SLCO5A1: variants seen among roughly 807,000 people sequenced by gnomAD.
SLCO5A1 encodes the protein organic anion transporter polypeptide-related protein 4.
In SLCO5A1, 39 loss-of-function variants were observed where a neutral mutation model predicts 65.1. The ratio of observed to expected loss-of-function variants is 0.60; its 90% CI spans 0.46 to 0.78. The LOEUF is 0.78. SLCO5A1 is among the 30% of genes least tolerant of loss of function. The pLI, the probability that SLCO5A1 is intolerant of heterozygous loss-of-function variation, is 0.00. For synonymous variants in SLCO5A1, 438 were observed against 415.7 expected (o/e 1.05, Z -0.65); for missense variants, 1,029 against 1,069.4 (o/e 0.96, Z 0.53).
intron 5 of SLCO5A1, among the ~76,000 whole-genome samples, chr8:69,737,760 T>G (rs1278957797): frequency 6.6e-6 from 1 of 152,194 alleles, no homozygotes; most frequent in Non-Finnish European, 1.5e-5. Flanking sequence ...AATTTGAATG[T>G]CATTGCCTAT....
At chr8:69,693,964 C>T (rs1041120985) in intron 6 of SLCO5A1, among the ~76,000 whole-genome samples, 10 of 152,228 alleles carry the variant, frequency 6.6e-5, no homozygotes, top group African/African-American at 2.4e-4. Flanking sequence ...TGTGGCAAGG[C>T]TCAGGTGAAA....
intron 2 of SLCO5A1, among the ~76,000 whole-genome samples, chr8:69,786,648 G>GCA (rs1015002134): frequency 2.0e-5 from 3 of 151,792 alleles, no homozygotes; most frequent in East Asian, 1.9e-4. Flanking sequence ...GCAAATGTGG[G>GCA]CACACACACA....
intron 3 of SLCO5A1, among the ~76,000 whole-genome samples, chr8:69,758,459 C>T (rs572112019): frequency 4.6e-5 from 7 of 152,206 alleles, no homozygotes; most frequent in Admixed American, 4.6e-4. Context: ...GGATTATAAG[C>T]GTGAGCCACC....
At chr8:69,701,153 C>T (rs1395832358) in intron 6 of SLCO5A1, among the ~76,000 whole-genome samples, 1 of 152,092 alleles carries the variant, frequency 6.6e-6, no homozygotes, top group African/African-American at 2.4e-5. Context: ...TGTTGAGATA[C>T]TTTTTGAGCT....
chr8:69,819,310 A>T (rs1466126864), intron 2 of SLCO5A1, among the ~76,000 whole-genome samples: 26 of 151,262 alleles, frequency 1.7e-4, no homozygotes. Flanking sequence ...CATTCCTGGC[A>T]TAAGTACCAC....
chr8:69,800,351 G>A (rs1180080871), intron 2 of SLCO5A1, among the ~76,000 whole-genome samples: 3 of 150,884 alleles, frequency 2.0e-5, no homozygotes, highest in African/African-American at 7.3e-5. Context: ...CCTCCCAGGA[G>A]GAGGAGGAGG....
intron 2 of SLCO5A1, among the ~76,000 whole-genome samples, chr8:69,792,164 T>C (rs1249983403): frequency 1.3e-5 from 2 of 151,994 alleles, no homozygotes; most frequent in African/African-American, 4.8e-5. Flanking sequence ...TGTTAAAAGA[T>C]ATAGATTAAT....
At chr8:69,729,446 C>CAAAAAAAAAAAAAAAAAAAAAA (rs56392223) in intron 5 of SLCO5A1, among the ~76,000 whole-genome samples, 1 of 80,486 alleles carries the variant, frequency 1.2e-5, no homozygotes, top group Non-Finnish European at 2.2e-5. Flanking sequence ...TCCGTCCCAA[C>CAAAAAAAAAAAAAAAAAAAAAA]AAAAAAAAAA....
chr8:69,782,832 A>T (rs1818855355), intron 2 of SLCO5A1, among the ~76,000 whole-genome samples: 2 of 152,116 alleles, frequency 1.3e-5, no homozygotes, highest in African/African-American at 4.8e-5. Flanking sequence ...TTGTTTTAAA[A>T]ATTTTTAAAG....
At chr8:69,674,805 G>A (rs1813481024) in intron 9 of SLCO5A1, among the ~76,000 whole-genome samples, 1 of 150,712 alleles carries the variant, frequency 6.6e-6, no homozygotes, top group African/African-American at 2.4e-5. Context: ...TGGATCACCT[G>A]AGGTCAAGAG....
rs1819111580 is a variant in SLCO5A1 at position 69,787,990 on chromosome 8, A to C, written c.908-26115T>G. 2.0e-5 allele frequency among the ~76,000 whole-genome samples: 3 copies of C among 152,362 alleles called. No homozygotes were observed. The South Asian group carries it at 6.2e-4, about 32-fold the overall frequency. On this transcript the variant is annotated intron_variant, in intron 2 of 9. Transcript: ENST00000260126. ...ATGAATCAAACCCAATATTGTTATT[A>C]GCCCATTCTTTTACCGGCTTTCTCA...
At chr8:69,813,733 A>G (rs1820302422) in intron 2 of SLCO5A1, among the ~76,000 whole-genome samples, 1 of 152,210 alleles carries the variant, frequency 6.6e-6, no homozygotes, top group Non-Finnish European at 1.5e-5. Flanking sequence ...ATCAAGTCGG[A>G]CTGAACAAAG....
chr8:69,670,529 T>C lies in SLCO5A1; in HGVS notation c.*2340A>G, dbSNP rs926375003. 1 of 152,190 alleles carries C rather than the reference T, an allele frequency of 6.6e-6. No individual in the cohort carries two copies. Among genetic ancestry groups the C allele is most frequent in the Admixed American group, 6.5e-5 (1 of 15,274 alleles). 9.4% of individuals were successfully genotyped at this position (152,190 alleles called of 1,614,324 possible). A position where few individuals can be genotyped will look rare whatever the true frequency, so the allele number is the denominator to read the frequency against. On this transcript the variant is annotated 3_prime_UTR_variant, in exon 10 of 10. Transcript: ENST00000260126. ...TATAAGGAGCAGATACTTGAGGAAG[T>C]ACAATATTAACACTGTGGTGCACAT...
rs149412146 is a variant in SLCO5A1 at position 69,691,625 on chromosome 8, A to G, written c.1623-9282T>C. ...TTTTTCACTCAGCATGATGTCCTCA[A>G]GGTTCATCTATGTTGTTGCATATTG... On this transcript the variant is annotated intron_variant, in intron 6 of 9. Coordinates refer to ENST00000260126, the MANE Select transcript of SLCO5A1 (RefSeq NM_030958.3). 2.3e-3 allele frequency among the ~76,000 whole-genome samples: 343 copies of G among 152,296 alleles called. 2 individuals are homozygous for G. Among genetic ancestry groups the G allele is most frequent in the African/African-American group, 7.6e-3 (317 of 41,572 alleles).
Position 69,738,059 on chromosome 8 carries a change from G to A in SLCO5A1, c.1404C>T (p.Ser468=). ...CCTTACCAGTGTAGATGCTGGCATT[G>A]GAGGCTGGGATACCAAACTGTGACT... ...FIESQFGIPA[S]NASIYTGVII... The change falls in exon 5 of 10, where the codon TCC becomes TCT. Residue 468 remains serine (S), a synonymous_variant. Transcript: ENST00000260126. 1 of 1,612,086 alleles carries A rather than the reference G, an allele frequency of 6.2e-7. No homozygotes were observed. The highest frequency in any genetic ancestry group is 8.5e-7 in the Non-Finnish European group (1 of 1,179,056).
At chr8:69,804,314 TG>T (rs1187486730) in intron 2 of SLCO5A1, among the ~76,000 whole-genome samples, 8 of 152,116 alleles carry the variant, frequency 5.3e-5, no homozygotes, top group African/African-American at 1.2e-4. Context: ...TTATTGTTTT[TG>T]TTTTTTTGTT....
chr8:69,823,163 T>C (rs1820720099), intron 2 of SLCO5A1, among the ~76,000 whole-genome samples: 1 of 152,184 alleles, frequency 6.6e-6, no homozygotes, highest in Admixed American at 6.5e-5. Context: ...ATATGTAAGA[T>C]ATAATTACAA....
chr8:69,799,682 A>G (rs1173406126), intron 2 of SLCO5A1, among the ~76,000 whole-genome samples: 7 of 152,224 alleles, frequency 4.6e-5, no homozygotes, highest in Non-Finnish European at 8.8e-5. Context: ...GGGAAGCAAA[A>G]ACGTCCTTCT....
chr8:69,793,479 A>ATAG (rs1190641730), intron 2 of SLCO5A1, among the ~76,000 whole-genome samples: 3 of 152,048 alleles, frequency 2.0e-5, no homozygotes, highest in African/African-American at 7.2e-5. Context: ...AATAATAATA[A>ATAG]TAGAGCTGAC....
Sources: gnomAD v4.1 joint callset for allele counts (sites outside exome capture counted in the v4.1 genomes callset) on GRCh38, gnomAD v4.1.1 for gene constraint, MANE v1.5 for transcripts, NCBI Gene and HGNC (gene_info 2026-07-23, HGNC 2026-07-21) for gene names.